The following EPS8L3 variants were observed in gnomAD, a reference collection of about 807,000 sequenced individuals.
The protein encoded by EPS8L3 is epidermal growth factor receptor kinase substrate 8-like protein 3.
EPS8L3 carries 80 observed loss-of-function variants against 88.5 expected under a neutral mutation model. The observed-to-expected ratio is 0.90, with a 90% CI of 0.75 to 1.09. The LOEUF (loss-of-function observed/expected upper bound fraction) is 1.09, where lower values mean the gene tolerates loss of function less well. Ranked by LOEUF, EPS8L3 falls within the 50% of genes least tolerant of loss-of-function variation. The pLI is 0.00. For missense variants in EPS8L3, 721 were observed against 735.2 expected (o/e 0.98, Z 0.22); for synonymous variants, 286 against 291.0 (o/e 0.98, Z 0.18).
chr1:109,750,782 T>G lies in EPS8L3; in HGVS notation c.1648A>C (p.Thr550Pro). 1 of 1,614,130 alleles carries G rather than the reference T, an allele frequency of 6.2e-7. No individual in the cohort carries two copies. Among genetic ancestry groups the G allele is most frequent in the South Asian group, 1.1e-5 (1 of 91,068 alleles). ...TGGCTCCCCGTCAGGGACCCAAGTG[T>G]CCTCACCGTGCTGTGAACAAAACAG... ...AENFSTATVR[T>P]LGSLTGSQLL... Residue 550 changes from threonine (T) to proline (P), a missense_variant, in exon 18 of 19, where the codon ACA (threonine) becomes CCA (proline). Thr to Pro is a conservative substitution (Grantham distance 38). Transcript: ENST00000361965.
At position 109,759,896 on chromosome 1, in the gene EPS8L3, G is replaced by A. The variant is rs899696894; in HGVS notation, c.97-60C>T. On this transcript the variant is annotated intron_variant, in intron 3 of 18. Coordinates refer to ENST00000361965, the MANE Select transcript of EPS8L3 (RefSeq NM_133181.4). This position sits in a 1 kb window ranked among gnomAD's most constrained non-coding sequence, Gnocchi z 4.2. ...AAGCTCAGAGAGGTGGACCACAGGC[G>A]TGCTGGGTAGAGAAAAGCAGAAGAG... The A allele has an allele frequency of 4.3e-5, 67 of 1,564,998 alleles. No homozygotes were observed. The highest frequency in any genetic ancestry group is 2.3e-4 in the Admixed American group (13 of 56,894).
At chr1:109,752,534 C>A in intron 14 of EPS8L3, 152 bp downstream of exon 14, 1 of 704,888 alleles carries the variant, frequency 1.4e-6, no homozygotes, top group African/African-American at 1.8e-5. Context: ...TGTTTTTCAC[C>A]CAAGGTAGGA....
Position 109,750,386 on chromosome 1 carries a change from G to A in EPS8L3, c.*5C>T, listed in dbSNP as rs747164126. The A allele has an allele frequency of 1.7e-5, 27 of 1,613,634 alleles. No homozygotes were observed. The highest frequency in any genetic ancestry group is 1.9e-5 in the Non-Finnish European group (23 of 1,179,874). On this transcript the variant is annotated 3_prime_UTR_variant, in exon 19 of 19. Transcript: ENST00000361965. ...CCTGGTTCTTGGAGGTGTCTAAGCTGGTGCCTAAGGGCTTATCTGAGGAAA... is the reference window on the plus strand; with the variant it reads ...CCTGGTTCTTGGAGGTGTCTAAGCTAGTGCCTAAGGGCTTATCTGAGGAAA...
chr1:109,751,675 G>C lies in EPS8L3; in HGVS notation c.1542C>G (p.Thr514=). 3.1e-6 allele frequency: 5 copies of C among 1,613,976 alleles called. No homozygotes were observed. The highest frequency in any genetic ancestry group is 4.2e-6 in the Non-Finnish European group (5 of 1,180,002). The change falls in exon 16 of 19, where the codon ACC becomes ACG. Residue 514 remains threonine (T), a synonymous_variant. Coordinates refer to ENST00000361965, the MANE Select transcript of EPS8L3 (RefSeq NM_133181.4). ...LEPLQPGTPG[T]QGQSPSRVPM... The stretch of plus-strand genomic sequence containing the variant: ...GTACCCGAGAGGGTGACTGGCCCTG[G>C]GTCCCAGGGGTCCCCGGCTGTAGGG...
At position 109,759,436 on chromosome 1, in the gene EPS8L3, G is replaced by T. The variant is rs772642442; in HGVS notation, c.256-49C>A. 1.0e-4 allele frequency: 164 copies of T among 1,596,794 alleles called. No homozygotes were observed. The highest frequency in any genetic ancestry group is 1.4e-4 in the Non-Finnish European group (160 of 1,171,572). Reference sequence around the variant, plus strand: ...TGTGAGGCCACCAGAGCTAGGTGTGGCTTCTGGGAGCTCCTGACCAGCTCA... The same window carrying T: ...TGTGAGGCCACCAGAGCTAGGTGTGTCTTCTGGGAGCTCCTGACCAGCTCA... On this transcript the variant is annotated intron_variant, in intron 4 of 18. Transcript: ENST00000361965. This position sits in a 1 kb window ranked among gnomAD's most constrained non-coding sequence, Gnocchi z 4.2.
At position 109,751,260 on chromosome 1, in the gene EPS8L3, G is replaced by A. The variant is rs1023730697; in HGVS notation, c.1637+18C>T. On this transcript the variant is annotated intron_variant, in intron 17 of 18. Coordinates refer to ENST00000361965, the MANE Select transcript of EPS8L3 (RefSeq NM_133181.4). The stretch of plus-strand genomic sequence containing the variant: ...TACAAAGTTTCTCCCTCCATATCCT[G>A]TAGGGCCAGGCACTCACGCAGTGGA... 3.7e-6 allele frequency: 6 copies of A among 1,611,892 alleles called. No individual in the cohort carries two copies. Among genetic ancestry groups the A allele is most frequent in the Middle Eastern group, 1.6e-4 (1 of 6,082 alleles).
intron 1 of EPS8L3, 58 bp downstream of exon 1, chr1:109,763,758 ACCTGCC>A (rs1377945856): frequency 6.5e-6 from 1 of 153,056 alleles, no homozygotes; most frequent in African/African-American, 2.4e-5. Flanking sequence ...AGTTGCCCCC[ACCTGCC>A]CTGAGATCCC....
intron 6 of EPS8L3, 153 bp from the exon 7 acceptor site, chr1:109,758,816 TC>T: frequency 9.5e-7 from 1 of 1,056,644 alleles, no homozygotes; most frequent in Non-Finnish European, 1.3e-6. Context: ...CACCCCTGAC[TC>T]CACCCTGCCT....
intron 12 of EPS8L3, among the ~76,000 whole-genome samples, chr1:109,755,325 T>C (rs1376974136): frequency 6.6e-6 from 1 of 152,234 alleles, no homozygotes; most frequent in African/African-American, 2.4e-5. Flanking sequence ...ATAATGGTGT[T>C]GGTGGCACAC....
At position 109,758,648 on chromosome 1, in the gene EPS8L3, G is replaced by A; in HGVS notation, c.477C>T (p.Gly159=). Residue 159 remains glycine (G), a synonymous_variant, in exon 7 of 19, where the codon GGC becomes GGT. Coordinates refer to ENST00000361965, the MANE Select transcript of EPS8L3 (RefSeq NM_133181.4). ...EELEQRPRLG[G]LQPGQDRWRG... ...TCCATCTGTCCTGGCCTGGCTGAAGGCCTCCAAGTCGAGGTCTGCTGAGGA... is the reference window on the plus strand; with the variant it reads ...TCCATCTGTCCTGGCCTGGCTGAAGACCTCCAAGTCGAGGTCTGCTGAGGA... The A allele has an allele frequency of 3.8e-6, 6 of 1,589,140 alleles. No individual in the cohort carries two copies. Among genetic ancestry groups the A allele is most frequent in the Non-Finnish European group, 5.1e-6 (6 of 1,168,788 alleles).
At position 109,752,028 on chromosome 1, in the gene EPS8L3, C is replaced by T; in HGVS notation, c.1401G>A (p.Arg467=). The T allele has an allele frequency of 6.2e-7, 1 of 1,613,080 alleles. No homozygotes were observed. The highest frequency in any genetic ancestry group is 8.5e-7 in the Non-Finnish European group (1 of 1,179,380). Residue 467 remains arginine (R), a synonymous_variant, in exon 15 of 19, where the codon CGG becomes CGA. Transcript: ENST00000361965. ...VLYEFEARNP[R]ELTVVQGEKL... is the part of the protein sequence containing the mutation. ...TCTCTCCCTGGACCACAGTCAGTTCCCGTGGGTTCCTAGCTTCAAACTCGT... is the reference window on the plus strand; with the variant it reads ...TCTCTCCCTGGACCACAGTCAGTTCTCGTGGGTTCCTAGCTTCAAACTCGT...
rs775916506 is a variant in EPS8L3, at chr1:109,751,695, G to C, written c.1522C>G (p.Gln508Glu). 6 of 1,613,928 alleles carry C rather than the reference G, an allele frequency of 3.7e-6. No individual in the cohort carries two copies. The highest frequency in any genetic ancestry group is 5.1e-6 in the Non-Finnish European group (6 of 1,179,966). ...CCCTGGGTCCCAGGGGTCCCCGGCT[G>C]TAGGGGCTCCAGGATGTTGCTTGGA... ...YIPSNILEPL[Q>E]PGTPGTQGQS... The change falls in exon 16 of 19, where the codon CAG becomes GAG. Residue 508 changes from glutamine (Q) to glutamate (E), a missense_variant. Gln to Glu is a conservative substitution (Grantham distance 29, BLOSUM62 2). Transcript: ENST00000361965.
Position 109,758,680 on chromosome 1 carries a change from A to G in EPS8L3, c.462-17T>C. 3 of 1,548,052 alleles carry G rather than the reference A, an allele frequency of 1.9e-6. No homozygotes were observed. The highest frequency in any genetic ancestry group is 2.6e-6 in the Non-Finnish European group (3 of 1,148,348). ...AGTCGAGGTCTGCTGAGGACATGGT[A>G]GGGGCCACATCTTTGACAAGGTTCT... On this transcript the variant is annotated splice_polypyrimidine_tract_variant and intron_variant, in intron 6 of 18. Transcript: ENST00000361965.
intron 3 of EPS8L3, 110 bp downstream of exon 3, chr1:109,761,385 G>A: frequency 1.1e-6 from 1 of 941,300 alleles, no homozygotes; most frequent in South Asian, 1.6e-5. Context: ...CAGGCTGTTG[G>A]CTTCTGGGGC....
In EPS8L3 at chr1:109,759,770, A is replaced by T. The variant is rs75718950; in HGVS notation, c.163T>A (p.Phe55Ile). 2.8e-3 allele frequency: 4,548 copies of T among 1,614,072 alleles called. 21 individuals carry two copies. The highest frequency in any genetic ancestry group is 3.3e-3 in the Non-Finnish European group (3,907 of 1,180,028). ...QGPEDALQKL[F>I]EMDAQGRVWS... ...ACCCGGCCCTGTGCATCCATCTCGA[A>T]CAGCTTCTGCAAGGCATCCTCGGGC... Residue 55 changes from phenylalanine (F) to isoleucine (I), a missense_variant, in exon 4 of 19, where the codon TTC becomes ATC. Phe to Ile is a conservative substitution (Grantham distance 21, BLOSUM62 0). Transcript: ENST00000361965. The surrounding 1 kb of genome is among the most constrained non-coding windows in gnomAD (Gnocchi z 4.2).
chr1:109,754,758 C>T (rs1364968412), intron 12 of EPS8L3, among the ~76,000 whole-genome samples: 3 of 152,172 alleles, frequency 2.0e-5, no homozygotes, highest in Admixed American at 6.5e-5. Flanking sequence ...TGTAGAACCT[C>T]TGTTTTCCTC....
At chr1:109,751,927 C>G in intron 15 of EPS8L3, 68 bp downstream of exon 15, 1 of 1,562,346 alleles carries the variant, frequency 6.4e-7, no homozygotes, top group Non-Finnish European at 8.7e-7. Context: ...CCTGGACCAT[C>G]CACCCTTGGC....
intron 17 of EPS8L3, 81 bp downstream of exon 17, chr1:109,751,197 G>A: frequency 8.0e-7 from 1 of 1,251,106 alleles, no homozygotes; most frequent in Non-Finnish European, 1.1e-6. Context: ...AGGCCAGGTT[G>A]TATGTTCTGG....
Position 109,750,783 on chromosome 1 carries a change from C to G in EPS8L3, c.1647G>C (p.Arg549Ser). The change falls in exon 18 of 19, where the codon AGG becomes AGC. Residue 549 changes from arginine (R) to serine (S), a missense_variant. Coordinates refer to ENST00000361965, the MANE Select transcript of EPS8L3 (RefSeq NM_133181.4). Reference protein sequence around the residue: ...QAENFSTATVRTLGSLTGSQL... With the variant: ...QAENFSTATVSTLGSLTGSQL... ...GGCTCCCCGTCAGGGACCCAAGTGT[C>G]CTCACCGTGCTGTGAACAAAACAGC... 1 of 1,614,190 alleles carries G rather than the reference C, an allele frequency of 6.2e-7. No individual in the cohort carries two copies. Among genetic ancestry groups the G allele is most frequent in the Non-Finnish European group, 8.5e-7 (1 of 1,180,016 alleles).
Sources: gnomAD v4.1 joint callset for allele counts (sites outside exome capture counted in the v4.1 genomes callset) on GRCh38, gnomAD v4.1.1 for gene constraint, Gnocchi (gnomAD v3.1) non-coding constraint, MANE v1.5 for transcripts, NCBI Gene and HGNC (gene_info 2026-07-23, HGNC 2026-07-21) for gene names.